Variants in HMBOX1 observed in about 807,000 individuals in gnomAD.
HMBOX1 encodes the protein homeobox containing 1.
Under a neutral mutation model 54.5 loss-of-function variants are expected in HMBOX1, and 14 were observed. That is an observed-to-expected ratio of 0.26 (90% CI 0.17 to 0.40). The LOEUF is 0.40. Ranked by LOEUF, HMBOX1 falls within the 10% of genes least tolerant of loss-of-function variation. The pLI, the probability that HMBOX1 is intolerant of heterozygous loss-of-function variation, is 1.00. For synonymous variants in HMBOX1, 160 were observed against 181.0 expected, an observed-to-expected ratio of 0.88 and a Z score of 0.93; for missense variants, 332 against 514.4, an observed-to-expected ratio of 0.65 and a Z score of 3.43.
chr8:28,957,788 A>G (rs1293543038), intron 1 of HMBOX1, among the ~76,000 whole-genome samples: 1 of 151,678 alleles, frequency 6.6e-6, no homozygotes, highest in East Asian at 1.9e-4. Flanking sequence ...ATGCCCAGCT[A>G]ATTTTTGTAT....
intron 6 of HMBOX1, among the ~76,000 whole-genome samples, chr8:29,028,713 TC>T (rs1281035716): frequency 6.6e-6 from 1 of 152,232 alleles, no homozygotes; most frequent in Non-Finnish European, 1.5e-5. Flanking sequence ...GTCTTCTGAC[TC>T]TGAACTATGC....
At chr8:28,914,043 G>A (rs1408808146) in intron 1 of HMBOX1, among the ~76,000 whole-genome samples, 1 of 151,922 alleles carries the variant, frequency 6.6e-6, no homozygotes, top group African/African-American at 2.4e-5. Context: ...GCTAATTTCT[G>A]TATTTTTAGA....
chr8:28,904,530 C>T (rs1201074688), intron 1 of HMBOX1, among the ~76,000 whole-genome samples: 1 of 152,026 alleles, frequency 6.6e-6, no homozygotes, highest in Non-Finnish European at 1.5e-5. Context: ...TGTGCCCAGC[C>T]CATTTCTCCC....
In HMBOX1 at chr8:29,040,437, T is replaced by C. The variant is rs576434239; in HGVS notation, c.852-4924T>C. Among the ~76,000 whole-genome samples, 32 of 152,344 alleles carry C rather than the reference T, an allele frequency of 2.1e-4. No homozygotes were observed. In the East Asian group the frequency reaches 2.1e-3, roughly 10 times the overall value. ...AGAGTTTTGCAGTAAAAAAATCTTA[T>C]TACTTTTTAAACTTAAATATTTACC... On this transcript the variant is annotated intron_variant, in intron 6 of 9. Transcript: ENST00000287701.
At chr8:29,013,402 G>A (rs187460307) in intron 5 of HMBOX1, among the ~76,000 whole-genome samples, 26 of 152,290 alleles carry the variant, frequency 1.7e-4, no homozygotes, top group African/African-American at 6.3e-4. Context: ...CCAAAGTGCT[G>A]GGATTATAGG....
intron 6 of HMBOX1, among the ~76,000 whole-genome samples, chr8:29,020,424 C>G (rs1271231761): frequency 6.6e-6 from 1 of 152,110 alleles, no homozygotes; most frequent in South Asian, 2.1e-4. Flanking sequence ...AGTTGAACCT[C>G]AGAGACTTAG....
intron 1 of HMBOX1, among the ~76,000 whole-genome samples, chr8:28,943,455 G>T (rs563329312): frequency 6.6e-6 from 1 of 152,158 alleles, no homozygotes; most frequent in Non-Finnish European, 1.5e-5. Context: ...CAGATTTCTC[G>T]TCCTCAGCTC....
chr8:29,050,315 C>T, intron 9 of HMBOX1: 1 of 667,456 alleles, frequency 1.5e-6, no homozygotes, highest in Non-Finnish European at 1.9e-6. Flanking sequence ...TCCTGCAATG[C>T]CAGCTTCCTT....
At chr8:29,031,757 G>A (rs770799062) in intron 6 of HMBOX1, among the ~76,000 whole-genome samples, 1 of 152,174 alleles carries the variant, frequency 6.6e-6, no homozygotes, top group Non-Finnish European at 1.5e-5. Context: ...GCCCCGTGCT[G>A]AGGAGTGTGG....
chr8:28,941,414 T>C (rs1194931737), intron 1 of HMBOX1, among the ~76,000 whole-genome samples: 1 of 152,242 alleles, frequency 6.6e-6, no homozygotes, highest in Non-Finnish European at 1.5e-5. Context: ...ATTTATGTTT[T>C]CCCCTTATTT....
intron 1 of HMBOX1, among the ~76,000 whole-genome samples, chr8:28,927,072 C>T (rs754445133): frequency 2.0e-5 from 3 of 152,116 alleles, no homozygotes; most frequent in Non-Finnish European, 2.9e-5. Flanking sequence ...CTAGTATTTG[C>T]TAGCACAACA....
intron 1 of HMBOX1, among the ~76,000 whole-genome samples, chr8:28,892,483 A>G (rs1451291269): frequency 6.6e-6 from 1 of 152,200 alleles, no homozygotes; most frequent in Admixed American, 6.5e-5. Context: ...TTTTAAAGTA[A>G]AGAAATTGGC....
chr8:28,924,273 ATTT>A (rs938657309), intron 1 of HMBOX1, among the ~76,000 whole-genome samples: 1 of 149,538 alleles, frequency 6.7e-6, no homozygotes, highest in Non-Finnish European at 1.5e-5. Context: ...CGTCTGGCTA[ATTT>A]TTTTTTGTAT....
At position 29,047,459 on chromosome 8, in the gene HMBOX1, G is replaced by T; in HGVS notation, c.1030+6G>T. Reference sequence around the variant, plus strand: ...CAAGAGGAGAGCCAATATTGGTAATGTATCAGTGAGGCTGCTTTTCTCTTG... The same window carrying T: ...CAAGAGGAGAGCCAATATTGGTAATTTATCAGTGAGGCTGCTTTTCTCTTG... On this transcript the variant is annotated splice_donor_region_variant and intron_variant, in intron 8 of 9. Coordinates refer to ENST00000287701, the MANE Select transcript of HMBOX1 (RefSeq NM_001135726.3). 1 of 1,421,380 alleles carries T rather than the reference G, an allele frequency of 7.0e-7. No homozygotes were observed. The highest frequency in any genetic ancestry group is 1.4e-5 in the African/African-American group (1 of 71,084). 88.0% of individuals were successfully genotyped at this position (1,421,380 alleles called of 1,614,324 possible).
chr8:28,974,056 C>T (rs536930467), intron 3 of HMBOX1, among the ~76,000 whole-genome samples: 10 of 152,094 alleles, frequency 6.6e-5, no homozygotes, highest in East Asian at 1.9e-4. Flanking sequence ...TCAAGTGATC[C>T]GCCCACCTTG....
intron 1 of HMBOX1, among the ~76,000 whole-genome samples, chr8:28,895,057 G>T (rs1473066648): frequency 6.6e-6 from 1 of 152,096 alleles, no homozygotes; most frequent in Non-Finnish European, 1.5e-5. Flanking sequence ...GTGGTAAAAT[G>T]ATTCTAATCC....
At chr8:29,024,124 T>C (rs1208238423) in intron 6 of HMBOX1, among the ~76,000 whole-genome samples, 1 of 152,200 alleles carries the variant, frequency 6.6e-6, no homozygotes, top group Admixed American at 6.5e-5. Flanking sequence ...TACCCTGAAA[T>C]GTACTCCCTC....
chr8:28,956,815 C>T (rs1824536652), intron 1 of HMBOX1, among the ~76,000 whole-genome samples: 2 of 152,060 alleles, frequency 1.3e-5, no homozygotes, highest in South Asian at 2.1e-4. Flanking sequence ...TGCTCTAACC[C>T]CATTAAAAAG....
intron 2 of HMBOX1, among the ~76,000 whole-genome samples, chr8:28,967,760 T>G (rs1040342550): frequency 6.6e-6 from 1 of 152,192 alleles, no homozygotes; most frequent in Non-Finnish European, 1.5e-5. Context: ...TGGGGGAACT[T>G]AGGCCATCAA....
Sources: allele counts gnomAD v4.1 joint callset (sites outside exome capture counted in the v4.1 genomes callset), GRCh38; gene constraint gnomAD v4.1.1; transcripts MANE v1.5; gene names NCBI Gene and HGNC (gene_info 2026-07-23, HGNC 2026-07-21).